The following SLC29A2 variants were observed in gnomAD, a reference collection of about 807,000 sequenced individuals.
SLC29A2 encodes the protein solute carrier family 29 member 2.
SLC29A2 carries 37 observed loss-of-function variants against 48.8 expected under a neutral mutation model. That is an observed-to-expected ratio of 0.76 (90% CI 0.58 to 1.00). The LOEUF is 1.00. SLC29A2 is among the 50% of genes least tolerant of loss of function. SLC29A2 has a pLI of 0.00. For missense variants in SLC29A2, 533 were observed against 578.6 expected (o/e 0.92, Z 0.81); for synonymous variants, 233 against 261.7 (o/e 0.89, Z 1.06).
At chr11:66,370,111 C>T (rs914824914) in intron 2 of SLC29A2, among the ~76,000 whole-genome samples, 10 of 152,264 alleles carry the variant, frequency 6.6e-5, no homozygotes, top group African/African-American at 2.2e-4. Flanking sequence ...TCCCTCTAAA[C>T]AGGCTGATCG....
chr11:66,362,920 C>CCGT lies in SLC29A2; in HGVS notation c.*515_*516insACG. The CCGT allele has an allele frequency of 4.8e-6, 1 of 207,272 alleles. No individual in the cohort carries two copies. The highest frequency in any genetic ancestry group is 1.2e-4 in the East Asian group (1 of 8,322). 12.8% of individuals were successfully genotyped at this position (207,272 alleles called of 1,614,324 possible). ...GCGGAGTGGGTACAGTAAGTGTTGG[C>CCGT]AATGAAAACACTGCTTGAGGCTGAG... On this transcript the variant is annotated 3_prime_UTR_variant, in exon 12 of 12. Coordinates refer to ENST00000357440, the MANE Select transcript of SLC29A2 (RefSeq NM_001532.3).
chr11:66,369,377 C>T lies in SLC29A2; in HGVS notation c.267G>A (p.Leu89=). ...CAGGGCAGGCCTCTCACCACTGGTA[C>T]AGGAAGGAGTTGAGGAGGGTGAAGA... ...LLLFTLLNSF[L]YQCVPETVRI... Residue 89 remains leucine (L), a synonymous_variant, in exon 3 of 12, where the codon CTG becomes CTA. Coordinates refer to ENST00000357440, the MANE Select transcript of SLC29A2 (RefSeq NM_001532.3). 1 of 1,614,016 alleles carries T rather than the reference C, an allele frequency of 6.2e-7. No homozygotes were observed. The highest frequency in any genetic ancestry group is 8.5e-7 in the Non-Finnish European group (1 of 1,179,958).
chr11:66,371,004 C>A (rs974954327), intron 2 of SLC29A2, among the ~76,000 whole-genome samples: 2 of 152,186 alleles, frequency 1.3e-5, no homozygotes, highest in African/African-American at 4.8e-5. Context: ...GTGGCAGCGC[C>A]TTTGCTCATT....
At chr11:66,367,365 G>A in intron 7 of SLC29A2, 99 bp downstream of exon 7, 1 of 964,090 alleles carries the variant, frequency 1.0e-6, no homozygotes, top group Non-Finnish European at 1.7e-6. Context: ...GGCTACTAGG[G>A]GTGGGCTCTG....
chr11:66,365,350 A>G (rs1590649474), intron 10 of SLC29A2, among the ~76,000 whole-genome samples: 1 of 152,132 alleles, frequency 6.6e-6, no homozygotes, highest in African/African-American at 2.4e-5. Context: ...GGCCAAGTCC[A>G]CCCAGAAATC....
At chr11:66,363,981 C>T (rs967602115) in intron 11 of SLC29A2, among the ~76,000 whole-genome samples, 1 of 151,892 alleles carries the variant, frequency 6.6e-6, no homozygotes, top group Non-Finnish European at 1.5e-5. Flanking sequence ...GAAACTGAGG[C>T]ACATTGAGGC....
chr11:66,370,991 G>A (rs1401534184), intron 2 of SLC29A2, among the ~76,000 whole-genome samples: 1 of 152,204 alleles, frequency 6.6e-6, no homozygotes, highest in African/African-American at 2.4e-5. Context: ...CACACAGAGA[G>A]GGGTGGCAGC....
At chr11:66,369,023 T>C in intron 4 of SLC29A2, 37 bp downstream of exon 4, 1 of 1,584,586 alleles carries the variant, frequency 6.3e-7, no homozygotes, top group Non-Finnish European at 8.6e-7. Flanking sequence ...GCTGAAGCCC[T>C]GCATAGGCTG....
Position 66,367,808 on chromosome 11 carries a change from G to A in SLC29A2, c.612C>T (p.Leu204=), listed in dbSNP as rs768519730. Residue 204 remains leucine, a synonymous_variant, in exon 6 of 12, where the codon CTC becomes CTT. Coordinates refer to ENST00000357440, the MANE Select transcript of SLC29A2 (RefSeq NM_001532.3). ...GYFITPCVGI[L]MSIVCYLSLP... ...GGCTCAGGTAACACACGATGGACAT[G>A]AGGATGCCCACACAGGGCGTGATAA... 57 of 1,614,102 alleles carry A rather than the reference G, an allele frequency of 3.5e-5. No individual in the cohort carries two copies. The highest frequency in any genetic ancestry group is 4.7e-5 in the Non-Finnish European group (56 of 1,180,022).
At chr11:66,367,936 T>C in intron 5 of SLC29A2, 67 bp from the exon 6 acceptor site, 1 of 1,260,698 alleles carries the variant, frequency 7.9e-7, no homozygotes, top group Non-Finnish European at 1.1e-6. Context: ...GGCTTCCAAC[T>C]CTTGTCCCAC....
At position 66,367,856 on chromosome 11, in the gene SLC29A2, G is replaced by A. The variant is rs575436469; in HGVS notation, c.564C>T (p.Ala188=). 1.4e-4 allele frequency: 220 copies of A among 1,614,078 alleles called. 2 individuals are homozygous for A. The highest frequency in any genetic ancestry group is 1.0e-3 in the South Asian group (93 of 91,072). Residue 188 remains alanine (A), a synonymous_variant, in exon 6 of 12, where the codon GCC becomes GCT. Coordinates refer to ENST00000357440, the MANE Select transcript of SLC29A2 (RefSeq NM_001532.3). ...MLLSMASGVD[A]ETSALGYFIT... ...TAAAGTACCCCAGGGCAGAGGTCTCGGCGTCCACGCCACCTGCGGAGGAAC... is the reference window on the plus strand; with the variant it reads ...TAAAGTACCCCAGGGCAGAGGTCTCAGCGTCCACGCCACCTGCGGAGGAAC...
chr11:66,364,224 C>T lies in SLC29A2; in HGVS notation c.1259+1G>A. On this transcript the variant is annotated splice_donor_variant, in intron 11 of 11. Transcript: ENST00000357440. LOFTEE classifies it high-confidence loss of function. ...CCCCACCCCACCCCATTGCCCCGGA[C>T]CTGGGCGCCAGGCACATGGTGAGGG... 1 of 1,605,244 alleles carries T rather than the reference C, an allele frequency of 6.2e-7. No homozygotes were observed. Among genetic ancestry groups the T allele is most frequent in the East Asian group, 2.2e-5 (1 of 44,558 alleles).
chr11:66,367,710 C>CT, intron 6 of SLC29A2, 62 bp downstream of exon 6: 1 of 1,539,950 alleles, frequency 6.5e-7, no homozygotes, highest in Non-Finnish European at 9.0e-7. Context: ...CTCAGGGCCT[C>CT]AGGCTCAGGA....
chr11:66,366,376 T>C (rs1293248211), intron 8 of SLC29A2, 55 bp downstream of exon 8: 3 of 1,613,520 alleles, frequency 1.9e-6, no homozygotes, highest in Non-Finnish European at 8.5e-7. Context: ...TTGGAGTCAA[T>C]GTGAGCCCCA....
rs767362748 is a variant in SLC29A2, at chr11:66,367,816, C to G, written c.604G>C (p.Gly202Arg). 6.2e-7 allele frequency: 1 copy of G among 1,614,198 alleles called. No homozygotes were observed. The highest frequency in any genetic ancestry group is 8.5e-7 in the Non-Finnish European group (1 of 1,180,018). ...TAACACACGATGGACATGAGGATGC[C>G]CACACAGGGCGTGATAAAGTACCCC... is the stretch of plus-strand genomic sequence containing the variant. Reference protein sequence around the residue: ...ALGYFITPCVGILMSIVCYLS... With the variant: ...ALGYFITPCVRILMSIVCYLS... The change falls in exon 6 of 12, where the codon GGC becomes CGC. Residue 202 changes from glycine (G) to arginine (R), a missense_variant. Gly to Arg is a moderately radical substitution (Grantham distance 125). Coordinates refer to ENST00000357440, the MANE Select transcript of SLC29A2 (RefSeq NM_001532.3).
rs536523852 is a variant in SLC29A2 at position 66,363,099 on chromosome 11, G to T, written c.*337C>A. ...CCCCGCCTCCCACTCTGAACCCTCT[G>T]GTCACCTCTGCTCCTGATGATGATG... On this transcript the variant is annotated 3_prime_UTR_variant, in exon 12 of 12. Transcript: ENST00000357440. The T allele has an allele frequency of 1.5e-4, 55 of 355,504 alleles. No homozygotes were observed. Among genetic ancestry groups the T allele is most frequent in the Non-Finnish European group, 2.8e-4 (52 of 182,680 alleles). 22.0% of individuals were successfully genotyped at this position (355,504 alleles called of 1,614,324 possible).
At chr11:66,366,676 A>C in intron 7 of SLC29A2, 112 bp from the exon 8 acceptor site, 1 of 1,176,822 alleles carries the variant, frequency 8.5e-7, no homozygotes, top group Non-Finnish European at 1.2e-6. Flanking sequence ...TCAGCTCAGC[A>C]TGGTGGCTCA....
intron 11 of SLC29A2, among the ~76,000 whole-genome samples, 195 bp downstream of exon 11, chr11:66,364,030 G>T (rs576436038): frequency 9.7e-4 from 147 of 152,294 alleles, no homozygotes; most frequent in African/African-American, 3.2e-3. Context: ...GGTTGGGCGG[G>T]TACCTCCCTA....
intron 7 of SLC29A2, among the ~76,000 whole-genome samples, chr11:66,367,060 G>A (rs570868563): frequency 2.0e-5 from 3 of 152,332 alleles, no homozygotes; most frequent in South Asian, 2.1e-4. Flanking sequence ...CAGGAAGCGC[G>A]TGCATGGGTC....
Sources: allele counts gnomAD v4.1 joint callset (sites outside exome capture counted in the v4.1 genomes callset), GRCh38; gene constraint gnomAD v4.1.1; transcripts MANE v1.5; gene names NCBI Gene and HGNC (gene_info 2026-07-23, HGNC 2026-07-21).